Variants in TRPC5 observed in about 807,000 individuals in gnomAD.
The protein encoded by TRPC5 is transient receptor potential cation channel subfamily C member 5.
Under a neutral mutation model 56.5 loss-of-function variants are expected in TRPC5, and 9 were observed. The observed-to-expected ratio is 0.16, with a 90% confidence interval of 0.10 to 0.28. TRPC5 has a LOEUF of 0.28. Ranked by LOEUF, TRPC5 falls within the 10% of genes least tolerant of loss-of-function variation. The pLI is 1.00. For synonymous variants in TRPC5, 282 were observed against 278.5 expected, an observed-to-expected ratio of 1.01 and a Z score of -0.13; for missense variants, 469 against 748.9, an observed-to-expected ratio of 0.63 and a Z score of 4.36.
intron 1 of TRPC5, among the ~76,000 whole-genome samples, chrX:112,058,168 G>C (rs981766197): frequency 6.3e-5 from 7 of 111,561 alleles, no homozygotes; most frequent in Non-Finnish European, 1.9e-5. Flanking sequence ...AATAATATTA[G>C]AGTTTTCTCT....
At chrX:112,076,933 G>T (rs944934519) in intron 1 of TRPC5, among the ~76,000 whole-genome samples, 2 of 112,155 alleles carry the variant, frequency 1.8e-5, no homozygotes, top group African/African-American at 6.5e-5. Flanking sequence ...TAGAAATAAT[G>T]CTAGGTGCCC....
rs934435152 is a variant in TRPC5 at position 111,775,565 on chromosome X, A to G, written c.*748T>C. On this transcript the variant is annotated 3_prime_UTR_variant, in exon 11 of 11. Transcript: ENST00000262839. Reference sequence around the variant, plus strand: ...TACTATCAAATTTTCAAATGTAGTAAGTTAACTGAAACACACAAACAGAAA... The same window carrying G: ...TACTATCAAATTTTCAAATGTAGTAGGTTAACTGAAACACACAAACAGAAA... The G allele has an allele frequency of 9.0e-6, 1 of 111,447 alleles. No homozygotes were observed. Among genetic ancestry groups the G allele is most frequent in the Admixed American group, 9.5e-5 (1 of 10,484 alleles). 9.2% of individuals were successfully genotyped at this position (111,447 alleles called of 1,213,427 possible).
chrX:111,811,672 A>C (rs981483198), intron 7 of TRPC5, among the ~76,000 whole-genome samples: 3 of 111,544 alleles, frequency 2.7e-5, no homozygotes, highest in African/African-American at 9.8e-5. Context: ...CAGACCAGTA[A>C]ATTCAAGTCT....
At chrX:111,963,600 C>T (rs753277121) in intron 1 of TRPC5, among the ~76,000 whole-genome samples, 62 of 111,594 alleles carry the variant, frequency 5.6e-4, no homozygotes, top group African/African-American at 1.8e-3. Flanking sequence ...ACACCTCACA[C>T]GGCCGGGTAC....
intron 1 of TRPC5, among the ~76,000 whole-genome samples, chrX:112,076,100 G>A (rs764298487): frequency 3.0e-4 from 34 of 112,175 alleles, no homozygotes; most frequent in Non-Finnish European, 4.9e-4. Flanking sequence ...GATAACACGT[G>A]CTATTGTTTA....
At chrX:111,851,408 G>C (rs1173557676) in intron 5 of TRPC5, among the ~76,000 whole-genome samples, 1 of 111,160 alleles carries the variant, frequency 9.0e-6, no homozygotes, top group East Asian at 2.8e-4. Context: ...ATAAGCACCA[G>C]ACCTGAACTC....
At position 111,812,987 on chromosome X, in the gene TRPC5, G is replaced by C. The variant is rs148435448; in HGVS notation, c.1896+21934C>G. 3.9e-3 allele frequency among the ~76,000 whole-genome samples: 433 copies of C among 111,692 alleles called. 2 individuals are homozygous for C. Among genetic ancestry groups the C allele is most frequent in the African/African-American group, 0.013 (401 of 30,785 alleles). On this transcript the variant is annotated intron_variant, in intron 7 of 10. Coordinates refer to ENST00000262839, the MANE Select transcript of TRPC5 (RefSeq NM_012471.3). ...CCCCAATAAATTTTCATTTATTTTC[G>C]TGGGACTAGCCTTTCACCTTATCTG...
intron 7 of TRPC5, among the ~76,000 whole-genome samples, chrX:111,820,257 T>C (rs1391868759): frequency 8.9e-6 from 1 of 111,996 alleles, no homozygotes; most frequent in Admixed American, 9.5e-5. Flanking sequence ...GAGTATCTTC[T>C]ATATGTGCCA....
chrX:111,936,147 G>T (rs1926566193), intron 2 of TRPC5, among the ~76,000 whole-genome samples: 1 of 111,135 alleles, frequency 9.0e-6, no homozygotes, highest in African/African-American at 3.3e-5. Flanking sequence ...GTGTTTTATA[G>T]TATAAATTGT....
At chrX:112,062,565 A>G (rs186348242) in intron 1 of TRPC5, among the ~76,000 whole-genome samples, 49 of 112,136 alleles carry the variant, frequency 4.4e-4, no homozygotes, top group Admixed American at 2.3e-3. Flanking sequence ...AGGATAGATA[A>G]TATTTTGAGA....
intron 1 of TRPC5, among the ~76,000 whole-genome samples, chrX:111,965,846 G>A (rs970399733): frequency 9.0e-6 from 1 of 111,264 alleles, no homozygotes; most frequent in Non-Finnish European, 1.9e-5. Flanking sequence ...GAAATTTATA[G>A]CACTAAATGC....
At chrX:111,965,776 C>T (rs1422045526) in intron 1 of TRPC5, among the ~76,000 whole-genome samples, 5 of 111,444 alleles carry the variant, frequency 4.5e-5, no homozygotes, top group Non-Finnish European at 9.4e-5. Flanking sequence ...TTGAATCCAA[C>T]GAGAACAAAG....
intron 1 of TRPC5, among the ~76,000 whole-genome samples, chrX:112,016,604 T>C (rs1465446288): frequency 5.4e-5 from 6 of 111,171 alleles, no homozygotes. Flanking sequence ...CTCATCTCTC[T>C]TTCCTCAGAA....
chrX:111,976,911 A>G (rs1344271719), intron 1 of TRPC5, among the ~76,000 whole-genome samples: 1 of 111,637 alleles, frequency 9.0e-6, no homozygotes, highest in Non-Finnish European at 1.9e-5. Context: ...AAGCAAAAAG[A>G]AAATACTTAG....
At chrX:111,851,779 G>C (rs1373407462) in intron 5 of TRPC5, among the ~76,000 whole-genome samples, 2 of 111,688 alleles carry the variant, frequency 1.8e-5, no homozygotes, top group Non-Finnish European at 3.8e-5. Context: ...GAGGGTTAGG[G>C]AGAGATGGCA....
chrX:111,883,001 G>A (rs1160199851), intron 3 of TRPC5, among the ~76,000 whole-genome samples: 2 of 108,543 alleles, frequency 1.8e-5, no homozygotes, highest in African/African-American at 3.4e-5. Flanking sequence ...CAGGAGAATC[G>A]CTTGAACCTG....
At chrX:112,018,654 G>T (rs183816955) in intron 1 of TRPC5, among the ~76,000 whole-genome samples, 1 of 112,408 alleles carries the variant, frequency 8.9e-6, no homozygotes, top group East Asian at 2.8e-4. Flanking sequence ...TTTTATTGCG[G>T]CATAAAAATT....
intron 1 of TRPC5, among the ~76,000 whole-genome samples, chrX:112,053,418 AGT>A (rs1930265986): frequency 8.9e-6 from 1 of 111,798 alleles, no homozygotes; most frequent in Non-Finnish European, 1.9e-5. Flanking sequence ...GACTAACTGA[AGT>A]TCTGTATGCT....
At chrX:111,952,693 CTTTA>C (rs1927127136) in intron 1 of TRPC5, among the ~76,000 whole-genome samples, 1 of 111,195 alleles carries the variant, frequency 9.0e-6, no homozygotes, top group Admixed American at 9.6e-5. Flanking sequence ...GCCCTCTGTG[CTTTA>C]TTTATTACTA....
Sources: gnomAD v4.1 joint callset for allele counts (sites outside exome capture counted in the v4.1 genomes callset) on GRCh38, gnomAD v4.1.1 for gene constraint, MANE v1.5 for transcripts, NCBI Gene and HGNC (gene_info 2026-07-23, HGNC 2026-07-21) for gene names.